Variants in SLC2A13 observed in about 807,000 individuals in gnomAD.
SLC2A13 encodes the protein proton myo-inositol cotransporter.
A neutral mutation model predicts 64.4 loss-of-function variants in SLC2A13; 32 were observed. The ratio of observed to expected loss-of-function variants is 0.50; its 90% confidence interval spans 0.37 to 0.67. SLC2A13 has a LOEUF of 0.67. Ranked by LOEUF, SLC2A13 falls within the 30% of genes least tolerant of loss-of-function variation. The pLI is 0.00. For synonymous variants in SLC2A13, 338 were observed against 327.1 expected (o/e 1.03, Z -0.36); for missense variants, 743 against 829.2 (o/e 0.90, Z 1.28).
At chr12:40,042,991 A>G (rs933607852) in intron 2 of SLC2A13, among the ~76,000 whole-genome samples, 4 of 151,796 alleles carry the variant, frequency 2.6e-5, no homozygotes, top group African/African-American at 9.7e-5. Context: ...GAAACATGAC[A>G]AAGCAAGATA....
chr12:39,957,128 C>T (rs974389919), intron 3 of SLC2A13, among the ~76,000 whole-genome samples: 44 of 152,270 alleles, frequency 2.9e-4, no homozygotes, highest in African/African-American at 1.0e-3. Context: ...AATAACCCTT[C>T]CTGCCTTATG....
At position 39,941,120 on chromosome 12, in the gene SLC2A13, C is replaced by CATATAT. The variant is rs56394315; in HGVS notation, c.1034+10131_1034+10136dup. Among the ~76,000 whole-genome samples, 349 of 149,626 alleles carry CATATAT rather than the reference C, an allele frequency of 2.3e-3. 4 individuals are homozygous for CATATAT. The highest frequency in any genetic ancestry group is 7.4e-3 in the African/African-American group (299 of 40,452). ...TTTTTATAGCTGCATAGTATTCCAT[C>CATATAT]ATATATATATATATATATATATATG... On this transcript the variant is annotated intron_variant, in intron 4 of 9. Transcript: ENST00000280871.
At chr12:39,825,779 T>G (rs1300599438) in intron 7 of SLC2A13, among the ~76,000 whole-genome samples, 1 of 152,156 alleles carries the variant, frequency 6.6e-6, no homozygotes, top group Non-Finnish European at 1.5e-5. Context: ...TTTTTGATCC[T>G]TCCGAGTATT....
intron 7 of SLC2A13, among the ~76,000 whole-genome samples, chr12:39,812,388 T>TTTCTTTTCTTTCTC (rs1942199224): frequency 8.0e-6 from 1 of 124,822 alleles, no homozygotes; most frequent in Non-Finnish European, 1.9e-5. Flanking sequence ...TTTTCTTTCT[T>TTTCTTTTCTTTCTC]TCTCTCTCTC....
intron 6 of SLC2A13, among the ~76,000 whole-genome samples, chr12:39,862,822 T>A (rs1943797008): frequency 6.6e-6 from 1 of 152,168 alleles, no homozygotes; most frequent in Admixed American, 6.5e-5. Context: ...GGGATATTCA[T>A]CACCTCAAGC....
At chr12:40,075,809 G>T (rs770490088) in intron 1 of SLC2A13, among the ~76,000 whole-genome samples, 16 of 151,778 alleles carry the variant, frequency 1.1e-4, no homozygotes, top group Non-Finnish European at 2.1e-4. Flanking sequence ...CTTATTTTAG[G>T]TAATTTCTAT....
At chr12:40,104,232 AGCAT>A (rs1411481767) in intron 1 of SLC2A13, among the ~76,000 whole-genome samples, 1 of 152,250 alleles carries the variant, frequency 6.6e-6, no homozygotes, top group African/African-American at 2.4e-5. Flanking sequence ...ACATTAAAAA[AGCAT>A]CAGCGGTGTG....
chr12:39,902,388 A>G (rs1945149838), intron 4 of SLC2A13, among the ~76,000 whole-genome samples: 2 of 152,000 alleles, frequency 1.3e-5, no homozygotes, highest in South Asian at 4.1e-4. Flanking sequence ...AGATATGTAC[A>G]TACACATGAA....
intron 6 of SLC2A13, 116 bp from the exon 7 acceptor site, chr12:39,830,344 T>C (rs1280486932): frequency 2.7e-6 from 4 of 1,463,722 alleles, no homozygotes; most frequent in Non-Finnish European, 3.6e-6. Context: ...GCTTGGGGCC[T>C]TGGGACTTGT....
At chr12:39,891,816 T>C (rs973019395) in intron 4 of SLC2A13, among the ~76,000 whole-genome samples, 27 of 152,186 alleles carry the variant, frequency 1.8e-4, no homozygotes, top group African/African-American at 6.5e-4. Flanking sequence ...CTACAGTCTT[T>C]TCCAGGCATT....
chr12:39,857,340 A>G (rs1453725462), intron 6 of SLC2A13, among the ~76,000 whole-genome samples: 1 of 152,198 alleles, frequency 6.6e-6, no homozygotes, highest in East Asian at 1.9e-4. Flanking sequence ...TACATGCCTA[A>G]AATTATGTTG....
In SLC2A13 at chr12:39,984,190, C is replaced by G. The variant is rs368877827; in HGVS notation, c.926-32825G>C. ...TCTGGGGACTGTGGTGGGGTGGGGG[C>G]AGGGGGGAGGGATAGCATTGGGAGA... On this transcript the variant is annotated intron_variant, in intron 3 of 9. Coordinates refer to ENST00000280871, the MANE Select transcript of SLC2A13 (RefSeq NM_052885.4). Among the ~76,000 whole-genome samples, 18 of 131,472 alleles carry G rather than the reference C, an allele frequency of 1.4e-4. 1 individual carries two copies. Among genetic ancestry groups the G allele is most frequent in the Admixed American group, 4.0e-4 (5 of 12,598 alleles). The allele number at this position is 131,472 out of a possible 152,430, so 86.3% of individuals were successfully genotyped here.
At chr12:39,969,839 A>G (rs1371239311) in intron 3 of SLC2A13, among the ~76,000 whole-genome samples, 3 of 152,154 alleles carry the variant, frequency 2.0e-5, no homozygotes, top group African/African-American at 7.2e-5. Context: ...TTTTGTTGCC[A>G]TTGCTTTTGG....
In SLC2A13 at chr12:40,106,046, G is replaced by A. The variant is rs988196865; in HGVS notation, c.-238C>T. ...CCGGCGGGTCTCACTCCACACTCAC[G>A]CCCCGCGCCTGCCGAGCTGGCGCTG... is the stretch of plus-strand genomic sequence containing the variant. On this transcript the variant is annotated 5_prime_UTR_variant, in exon 1 of 10. Transcript: ENST00000280871. 1 of 377,318 alleles carries A rather than the reference G, an allele frequency of 2.7e-6. No homozygotes were observed. The highest frequency in any genetic ancestry group is 4.6e-6 in the Non-Finnish European group (1 of 219,730). 23.4% of individuals were successfully genotyped at this position (377,318 alleles called of 1,614,324 possible). A position where few individuals can be genotyped will look rare whatever the true frequency, so the allele number is the denominator to read the frequency against.
intron 4 of SLC2A13, among the ~76,000 whole-genome samples, chr12:39,901,401 G>A (rs202200481): frequency 0.32 from 46,817 of 147,826 alleles, 8,231 homozygotes; most frequent in Non-Finnish European, 0.4. Flanking sequence ...AGAGTGAACA[G>A]ACAACCTACA....
chr12:40,005,111 A>C (rs1286768355), intron 3 of SLC2A13, among the ~76,000 whole-genome samples: 4 of 152,210 alleles, frequency 2.6e-5, no homozygotes, highest in Non-Finnish European at 5.9e-5. Context: ...TGACAAAGAC[A>C]CATTTTTGCT....
At chr12:40,045,380 G>C (rs1454072092) in intron 2 of SLC2A13, among the ~76,000 whole-genome samples, 2 of 151,528 alleles carry the variant, frequency 1.3e-5, no homozygotes, top group Non-Finnish European at 2.9e-5. Flanking sequence ...TGCTATAAAA[G>C]TGATGAGTTA....
chr12:39,926,627 T>A (rs1422411808), intron 4 of SLC2A13, among the ~76,000 whole-genome samples: 1 of 152,192 alleles, frequency 6.6e-6, no homozygotes, highest in East Asian at 1.9e-4. Context: ...TTTATTTTTC[T>A]TTTTTCCAGG....
intron 7 of SLC2A13, among the ~76,000 whole-genome samples, chr12:39,779,354 G>T (rs1940893171): frequency 6.6e-6 from 1 of 152,290 alleles, no homozygotes; most frequent in Non-Finnish European, 1.5e-5. Flanking sequence ...GAGAACTGAT[G>T]TTTTTCTACA....
Sources: allele counts gnomAD v4.1 joint callset (sites outside exome capture counted in the v4.1 genomes callset), GRCh38; gene constraint gnomAD v4.1.1; transcripts MANE v1.5; gene names NCBI Gene and HGNC (gene_info 2026-07-23, HGNC 2026-07-21).